Variants in CRIM1 observed in about 807,000 individuals in gnomAD.
The protein encoded by CRIM1 is cysteine rich transmembrane BMP regulator 1, also known as cysteine-rich motor neuron 1 protein.
A neutral mutation model predicts 116.4 loss-of-function variants in CRIM1; 32 were observed. That is an observed-to-expected ratio of 0.27 (90% CI 0.21 to 0.37). CRIM1 has a LOEUF of 0.37. Ranked by LOEUF, CRIM1 falls within the 10% of genes least tolerant of loss-of-function variation. The pLI is 1.00. For missense variants in CRIM1, 1,331 were observed against 1,354.8 expected, an observed-to-expected ratio of 0.98 and a Z score of 0.28; for synonymous variants, 590 against 509.2, an observed-to-expected ratio of 1.16 and a Z score of -2.13.
At chr2:36,461,195 CA>C (rs933215801) in intron 4 of CRIM1, among the ~76,000 whole-genome samples, 4 of 151,994 alleles carry the variant, frequency 2.6e-5, no homozygotes, top group African/African-American at 9.7e-5. Flanking sequence ...GAGACGTGGG[CA>C]GGGGGAGATT....
chr2:36,501,692 A>G (rs1572879821), intron 8 of CRIM1, among the ~76,000 whole-genome samples: 1 of 152,186 alleles, frequency 6.6e-6, no homozygotes, highest in African/African-American at 2.4e-5. Flanking sequence ...ACTGCACTCC[A>G]GCCTGGGTGA....
At chr2:36,514,164 TTAAAG>T (rs1664884705) in intron 11 of CRIM1, among the ~76,000 whole-genome samples, 1 of 152,232 alleles carries the variant, frequency 6.6e-6, no homozygotes, top group African/African-American at 2.4e-5. Flanking sequence ...CTTATCACAT[TTAAAG>T]TAATGTTTGA....
Position 36,441,322 on chromosome 2 carries a change from T to C in CRIM1, c.570T>C (p.Asp190=). The C allele has an allele frequency of 1.2e-6, 2 of 1,614,186 alleles. No individual in the cohort carries two copies. The highest frequency in any genetic ancestry group is 8.5e-7 in the Non-Finnish European group (1 of 1,180,016). ...EVQFSPRCPE[D]SVLIEGYAPP... ...AGTTCTCTCCACGTTGTCCTGAAGA[T>C]TCTGTTCTGATCGAGGGTTATGCTC... The change falls in exon 3 of 17, where the codon GAT becomes GAC. Residue 190 remains aspartate (D), a synonymous_variant. Coordinates refer to ENST00000280527, the MANE Select transcript of CRIM1 (RefSeq NM_016441.3).
At chr2:36,385,084 G>GAAA (rs58860535) in intron 1 of CRIM1, among the ~76,000 whole-genome samples, 8 of 138,164 alleles carry the variant, frequency 5.8e-5, no homozygotes, top group Non-Finnish European at 1.1e-4. Flanking sequence ...TTGCTTCACT[G>GAAA]AAAAAAAAAA....
chr2:36,489,485 T>C (rs895229138), intron 7 of CRIM1, among the ~76,000 whole-genome samples: 3 of 152,342 alleles, frequency 2.0e-5, no homozygotes, highest in Admixed American at 6.5e-5. Flanking sequence ...GGAGATTTTA[T>C]GTTAGACGAA....
rs914468968 is a variant in CRIM1, at chr2:36,378,528, A to G, written c.332-18086A>G. 39 of 366,526 alleles carry G rather than the reference A, an allele frequency of 1.1e-4. No homozygotes were observed. In the East Asian group the frequency reaches 3.3e-3, roughly 31 times the overall value. The allele number at this position is 366,526 out of a possible 1,614,324, so 22.7% of individuals were successfully genotyped here. On this transcript the variant is annotated intron_variant, in intron 1 of 16. Transcript: ENST00000280527. ...GCTCACAGCTCTAACGTAAGGCGGT[A>G]AGTCATTTTTTTTTTAAACTTAAGG...
chr2:36,486,028 C>G (rs748420503), intron 7 of CRIM1, among the ~76,000 whole-genome samples: 8 of 152,092 alleles, frequency 5.3e-5, no homozygotes, highest in Non-Finnish European at 1.2e-4. Flanking sequence ...ACATAAACAT[C>G]AGAAATTTTT....
intron 2 of CRIM1, among the ~76,000 whole-genome samples, chr2:36,398,376 C>G (rs1672185896): frequency 6.6e-6 from 1 of 152,150 alleles, no homozygotes; most frequent in Admixed American, 6.5e-5. Flanking sequence ...AAGGATGATG[C>G]TATCCCAGGA....
At chr2:36,454,490 G>C (rs1408786326) in intron 4 of CRIM1, among the ~76,000 whole-genome samples, 3 of 152,154 alleles carry the variant, frequency 2.0e-5, no homozygotes, top group Non-Finnish European at 4.4e-5. Context: ...GGCATGATGG[G>C]GGGCTTCAGG....
intron 1 of CRIM1, among the ~76,000 whole-genome samples, chr2:36,388,294 C>G (rs1671323274): frequency 6.6e-6 from 1 of 152,138 alleles, no homozygotes. Context: ...ATATTTATTA[C>G]ATTAAAAGAC....
chr2:36,449,039 T>G (rs1676478323), intron 4 of CRIM1, among the ~76,000 whole-genome samples: 1 of 152,106 alleles, frequency 6.6e-6, no homozygotes, highest in South Asian at 2.1e-4. Context: ...GACTTGTTTT[T>G]TTTTTTTTCC....
At chr2:36,498,225 T>C (rs907944293) in intron 7 of CRIM1, among the ~76,000 whole-genome samples, 1 of 152,180 alleles carries the variant, frequency 6.6e-6, no homozygotes, top group East Asian at 1.9e-4. Flanking sequence ...CTGTCCCTTA[T>C]TGATGCATTG....
Position 36,548,587 on chromosome 2 carries a change from G to A in CRIM1, c.2997G>A (p.Val999=). The change falls in exon 17 of 17, where the codon GTG becomes GTA. Residue 999 remains valine, a synonymous_variant. Coordinates refer to ENST00000280527, the MANE Select transcript of CRIM1 (RefSeq NM_016441.3). ...VDCKKGTRVQ[V]DSSQRMLRIA... ...GCAAGAAAGGAACCAGAGTCCAGGT[G>A]GACAGTTCCCAGAGAATGCTAAGAA... 6.2e-7 allele frequency: 1 copy of A among 1,611,942 alleles called. No individual in the cohort carries two copies. The highest frequency in any genetic ancestry group is 8.5e-7 in the Non-Finnish European group (1 of 1,179,154).
At chr2:36,541,820 C>G (rs538342850) in intron 14 of CRIM1, among the ~76,000 whole-genome samples, 4 of 152,250 alleles carry the variant, frequency 2.6e-5, no homozygotes, top group East Asian at 1.9e-4. Flanking sequence ...AAGGGCTCTT[C>G]TAGTAAATAC....
chr2:36,444,209 A>G (rs1558591511), intron 4 of CRIM1, among the ~76,000 whole-genome samples: 1 of 152,222 alleles, frequency 6.6e-6, no homozygotes, highest in Non-Finnish European at 1.5e-5. Context: ...TGCCACATAG[A>G]GCCATCTGCA....
intron 13 of CRIM1, among the ~76,000 whole-genome samples, chr2:36,532,819 A>G (rs1666208160): frequency 6.6e-6 from 1 of 152,220 alleles, no homozygotes; most frequent in Non-Finnish European, 1.5e-5. Context: ...CCATTGGGCA[A>G]TGGAGATCAA....
intron 4 of CRIM1, among the ~76,000 whole-genome samples, chr2:36,445,323 C>T (rs1353358529): frequency 6.6e-6 from 1 of 152,162 alleles, no homozygotes; most frequent in Non-Finnish European, 1.5e-5. Flanking sequence ...ATTCCAAGCA[C>T]AGCAGTCATC....
chr2:36,395,605 G>C (rs1267868784), intron 1 of CRIM1, among the ~76,000 whole-genome samples: 1 of 152,152 alleles, frequency 6.6e-6, no homozygotes, highest in Non-Finnish European at 1.5e-5. Flanking sequence ...ATTTTTTGGA[G>C]CTGAGTCCCA....
At chr2:36,415,640 G>C (rs966496557) in intron 2 of CRIM1, among the ~76,000 whole-genome samples, 1 of 152,122 alleles carries the variant, frequency 6.6e-6, no homozygotes, top group African/African-American at 2.4e-5. Flanking sequence ...TAGAATCCCG[G>C]TGGAACCAAG....
Sources: allele counts gnomAD v4.1 joint callset (sites outside exome capture counted in the v4.1 genomes callset), GRCh38; gene constraint gnomAD v4.1.1; transcripts MANE v1.5; gene names NCBI Gene and HGNC (gene_info 2026-07-23, HGNC 2026-07-21).